The following SLC5A11 variants were observed in gnomAD, a reference collection of about 807,000 sequenced individuals.
The protein encoded by SLC5A11 is solute carrier family 5 member 11, also known as sodium/myo-inositol cotransporter 2.
In SLC5A11, 48 loss-of-function variants were observed where a neutral mutation model predicts 69.8. That is an observed-to-expected ratio of 0.69 (90% CI 0.55 to 0.87). The LOEUF (loss-of-function observed/expected upper bound fraction) is 0.87, where lower values mean the gene tolerates loss of function less well. SLC5A11 is among the 40% of genes least tolerant of loss of function. SLC5A11 has a pLI of 0.00. For missense variants in SLC5A11, 784 were observed against 866.1 expected, an observed-to-expected ratio of 0.91 and a Z score of 1.19; for synonymous variants, 319 against 342.4, an observed-to-expected ratio of 0.93 and a Z score of 0.75.
At chr16:24,849,593 A>AAAAATATATATAT in intron 1 of SLC5A11, among the ~76,000 whole-genome samples, 3 of 35,920 alleles carry the variant, frequency 8.4e-5, no homozygotes, top group African/African-American at 2.8e-4. Context: ...AAAAAAAAAA[A>AAAAATATATATAT]ATATATATAT....
At chr16:24,891,746 G>T (rs77853189) in intron 9 of SLC5A11, among the ~76,000 whole-genome samples, 2,686 of 152,182 alleles carry the variant, frequency 0.018, 99 homozygotes, top group African/African-American at 0.061. Context: ...TGTCCTCTAC[G>T]TACCAGGCAC....
At chr16:24,849,601 T>TATAC (rs2059206361) in intron 1 of SLC5A11, among the ~76,000 whole-genome samples, 1 of 86,868 alleles carries the variant, frequency 1.2e-5, no homozygotes, top group Non-Finnish European at 2.4e-5. Flanking sequence ...AAAATATATA[T>TATAC]ATATATATAT....
chr16:24,907,274 G>C (rs2050142122), intron 12 of SLC5A11, 99 bp downstream of exon 13: 1 of 1,339,230 alleles, frequency 7.5e-7, no homozygotes, highest in Non-Finnish European at 1.0e-6. Context: ...CCAGGCTGAA[G>C]AGCATTAGGA....
intron 8 of SLC5A11, 132 bp downstream of exon 9, chr16:24,884,263 G>T: frequency 1.3e-6 from 1 of 798,706 alleles, no homozygotes. Flanking sequence ...TGTCACAGGT[G>T]CTTTGCTTGA....
chr16:24,869,164 G>A (rs762997507), intron 3 of SLC5A11, among the ~76,000 whole-genome samples: 7 of 151,944 alleles, frequency 4.6e-5, no homozygotes, highest in Non-Finnish European at 7.4e-5. Flanking sequence ...CAGAGCGCCC[G>A]GCTGGACCTG....
At chr16:24,871,757 T>C (rs2047317624) in intron 4 of SLC5A11, among the ~76,000 whole-genome samples, 1 of 152,178 alleles carries the variant, frequency 6.6e-6, no homozygotes, top group Admixed American at 6.5e-5. Flanking sequence ...AGTGAGGCAC[T>C]GATATGCCCA....
chr16:24,884,369 C>T (rs2048254746), intron 8 of SLC5A11, among the ~76,000 whole-genome samples: 1 of 152,102 alleles, frequency 6.6e-6, no homozygotes, highest in South Asian at 2.1e-4. Context: ...CTTGCTCTGT[C>T]AGTCAGGCTG....
At chr16:24,891,258 A>G (rs2048784275) in intron 9 of SLC5A11, among the ~76,000 whole-genome samples, 184 bp downstream of exon 10, 1 of 151,070 alleles carries the variant, frequency 6.6e-6, no homozygotes, top group Non-Finnish European at 1.5e-5. Context: ...AATGGGAATG[A>G]CAAATCCAAA....
rs1567544586 is a variant in SLC5A11 at position 24,846,028 on chromosome 16, T to A, written c.-435T>A. The stretch of plus-strand genomic sequence containing the variant: ...GGAAGACTGGGTGAGTGAAGCAGGA[T>A]GGTGCCTTGGGCTCCAGCGTCTCCC... On this transcript the variant is annotated 5_prime_UTR_variant, in exon 1 of 16. Coordinates refer to ENST00000347898, the Ensembl canonical transcript of SLC5A11. 1 of 152,552 alleles carries A rather than the reference T, an allele frequency of 6.6e-6. No homozygotes were observed. Among genetic ancestry groups the A allele is most frequent in the African/African-American group, 2.4e-5 (1 of 41,438 alleles). 9.4% of individuals were successfully genotyped at this position (152,552 alleles called of 1,614,324 possible).
At chr16:24,869,586 G>A (rs181484513) in intron 3 of SLC5A11, among the ~76,000 whole-genome samples, 1 of 151,958 alleles carries the variant, frequency 6.6e-6, no homozygotes, top group South Asian at 2.1e-4. Context: ...CCCGACCCCC[G>A]ACCCCCGCAG....
intron 3 of SLC5A11, among the ~76,000 whole-genome samples, chr16:24,864,631 A>T (rs1313139201): frequency 6.6e-6 from 1 of 152,236 alleles, no homozygotes; most frequent in Non-Finnish European, 1.5e-5. Context: ...ACAGGGGAGA[A>T]AAAGCAGTCA....
chr16:24,902,329 GA>G (rs758774150), intron 10 of SLC5A11, among the ~76,000 whole-genome samples: 55 of 146,280 alleles, frequency 3.8e-4, no homozygotes, highest in South Asian at 1.1e-3. Flanking sequence ...GGTTAAGGGG[GA>G]AAAAAAAAAG....
chr16:24,894,346 A>G (rs1300765979), intron 9 of SLC5A11, among the ~76,000 whole-genome samples: 1 of 152,138 alleles, frequency 6.6e-6, no homozygotes, highest in Non-Finnish European at 1.5e-5. Context: ...AAATTTATAC[A>G]TGATTAATGT....
intron 10 of SLC5A11, among the ~76,000 whole-genome samples, chr16:24,905,886 T>C (rs776663446): frequency 6.6e-6 from 1 of 152,056 alleles, no homozygotes; most frequent in Admixed American, 6.6e-5. Context: ...ATGAGGTGTA[T>C]GTACAAAGCT....
In SLC5A11 at chr16:24,910,497, A is replaced by G. The variant is rs760660215; in HGVS notation, c.1822+20A>G. On this transcript the variant is annotated intron_variant, in intron 15 of 15. Coordinates refer to ENST00000347898, the Ensembl canonical transcript of SLC5A11. ...ACAGCTGTGAGTAGCTTCTCTCCTC[A>G]GTTACAGCAAGAAGGAGTACGTGTT... is the stretch of plus-strand genomic sequence containing the variant. 1 of 1,611,864 alleles carries G rather than the reference A, an allele frequency of 6.2e-7. No individual in the cohort carries two copies. Among genetic ancestry groups the G allele is most frequent in the Non-Finnish European group, 8.5e-7 (1 of 1,178,932 alleles).
At chr16:24,908,188 G>A in intron 13 of SLC5A11, 57 bp downstream of exon 14, 2 of 1,509,872 alleles carry the variant, frequency 1.3e-6, no homozygotes, top group Admixed American at 2.2e-5. Context: ...TGAGGACTGG[G>A]ATAGGATGGG....
intron 8 of SLC5A11, among the ~76,000 whole-genome samples, chr16:24,889,543 ATTTTTTT>A (rs71156454): frequency 2.0e-4 from 15 of 74,346 alleles, no homozygotes; most frequent in African/African-American, 6.1e-4. Flanking sequence ...AGGTCTTACA[ATTTTTTT>A]TTTTTTTTTT....
At chr16:24,906,320 G>A (rs893626042) in intron 10 of SLC5A11, among the ~76,000 whole-genome samples, 3 of 144,496 alleles carry the variant, frequency 2.1e-5, no homozygotes, top group Non-Finnish European at 4.5e-5. Context: ...CAGCCTGGGC[G>A]ACAGAGCAAG....
intron 7 of SLC5A11, 58 bp downstream of exon 8, chr16:24,877,421 C>T: frequency 1.6e-6 from 2 of 1,280,204 alleles, no homozygotes; most frequent in South Asian, 1.2e-5. Flanking sequence ...CTGTGGGCCA[C>T]TCTACCTTCT....
Sources: allele counts gnomAD v4.1 joint callset (sites outside exome capture counted in the v4.1 genomes callset), GRCh38; gene constraint gnomAD v4.1.1; transcripts MANE v1.5; gene names NCBI Gene and HGNC (gene_info 2026-07-23, HGNC 2026-07-21).